The following PAX7 variants were observed in gnomAD, a reference collection of about 807,000 sequenced individuals.
The protein encoded by PAX7 is paired box 7.
In PAX7, 18 loss-of-function variants were observed where a neutral mutation model predicts 50.7. The ratio of observed to expected loss-of-function variants is 0.36; its 90% CI spans 0.25 to 0.53. The LOEUF (loss-of-function observed/expected upper bound fraction) is 0.53. PAX7 is among the 20% of genes least tolerant of loss of function. The pLI, the probability that PAX7 is intolerant of heterozygous loss-of-function variation, is 0.93. For synonymous variants in PAX7, 310 were observed against 290.4 expected, an observed-to-expected ratio of 1.07 and a Z score of -0.69; for missense variants, 644 against 702.9, an observed-to-expected ratio of 0.92 and a Z score of 0.95.
intron 4 of PAX7, among the ~76,000 whole-genome samples, chr1:18,677,358 G>A (rs1411069715): frequency 6.6e-6 from 1 of 152,144 alleles, no homozygotes; most frequent in Admixed American, 6.5e-5. Flanking sequence ...AGCACTCCAG[G>A]ACCGGCGCAC....
intron 7 of PAX7, among the ~76,000 whole-genome samples, chr1:18,731,499 A>C (rs992163392): frequency 6.6e-6 from 1 of 152,074 alleles, no homozygotes; most frequent in African/African-American, 2.4e-5. Context: ...CAATTTCCCC[A>C]TCTGCATAAT....
chr1:18,714,129 C>T (rs185030622), intron 7 of PAX7, among the ~76,000 whole-genome samples: 2 of 152,168 alleles, frequency 1.3e-5, no homozygotes, highest in African/African-American at 4.8e-5. Context: ...ATTGCTTGGA[C>T]CCCGGAGGCG....
chr1:18,720,031 G>A (rs1236595081), intron 7 of PAX7, among the ~76,000 whole-genome samples: 1 of 152,162 alleles, frequency 6.6e-6, no homozygotes. Flanking sequence ...GCACAATGTT[G>A]GAACCAAAAC....
rs2088045146 is a variant in PAX7 at position 18,631,510 on chromosome 1, A to G, written c.-94A>G. The G allele has an allele frequency of 9.6e-7, 1 of 1,042,312 alleles. No individual in the cohort carries two copies. The highest frequency in any genetic ancestry group is 2.0e-4 in the Middle Eastern group (1 of 4,910). The allele number at this position is 1,042,312 out of a possible 1,614,324, so 64.6% of individuals were successfully genotyped here. The stretch of plus-strand genomic sequence containing the variant: ...GAAGAGGTTAAAAAAAAGAAGACGA[A>G]GAAGACGGAAAGAAAGAGATCGCAG... On this transcript the variant is annotated 5_prime_UTR_variant, in exon 1 of 9. Coordinates refer to ENST00000420770, the MANE Select transcript of PAX7 (RefSeq NM_001135254.2).
rs80094639 is a variant in PAX7 at position 18,723,759 on chromosome 1, A to G, written c.1156-11873A>G. Among the ~76,000 whole-genome samples, 406 of 152,254 alleles carry G rather than the reference A, an allele frequency of 2.7e-3. 1 individual carries two copies. Among genetic ancestry groups the G allele is most frequent in the East Asian group, 0.018 (95 of 5,184 alleles). ...TTTCTTTTTCCCTTCCATTTTTAAT[A>G]TGCATAGCCAGGATCTTGAGGTCCT... is the stretch of plus-strand genomic sequence containing the variant. On this transcript the variant is annotated intron_variant, in intron 7 of 8. Coordinates refer to ENST00000420770, the MANE Select transcript of PAX7 (RefSeq NM_001135254.2).
chr1:18,662,190 G>A (rs1411139589), intron 4 of PAX7, among the ~76,000 whole-genome samples: 1 of 152,126 alleles, frequency 6.6e-6, no homozygotes, highest in Non-Finnish European at 1.5e-5. Context: ...AGGGAGCTTT[G>A]GTTTCCCAAA....
At chr1:18,652,256 C>T (rs375745942) in intron 4 of PAX7, among the ~76,000 whole-genome samples, 2 of 152,114 alleles carry the variant, frequency 1.3e-5, no homozygotes, top group South Asian at 2.1e-4. Flanking sequence ...CCCCGCCCCC[C>T]CATTGCCCCA....
intron 7 of PAX7, among the ~76,000 whole-genome samples, chr1:18,729,363 G>A (rs549957898): frequency 6.6e-6 from 1 of 152,208 alleles, no homozygotes; most frequent in Admixed American, 6.5e-5. Flanking sequence ...TAATCCCTGG[G>A]GTGCCAAGTC....
At chr1:18,741,109 G>A (rs1168765616) in intron 8 of PAX7, among the ~76,000 whole-genome samples, 1 of 152,200 alleles carries the variant, frequency 6.6e-6, no homozygotes, top group African/African-American at 2.4e-5. Flanking sequence ...ACAATGTATT[G>A]TATATTTCAA....
chr1:18,722,221 C>G (rs561330373), intron 7 of PAX7, among the ~76,000 whole-genome samples: 7 of 152,158 alleles, frequency 4.6e-5, no homozygotes, highest in African/African-American at 1.7e-4. Flanking sequence ...GTAATCAGAG[C>G]GGGGGGCCCA....
At chr1:18,704,822 C>A (rs1048930007) in intron 7 of PAX7, among the ~76,000 whole-genome samples, 3 of 152,132 alleles carry the variant, frequency 2.0e-5, no homozygotes, top group African/African-American at 7.2e-5. Flanking sequence ...TGCCTTTCAG[C>A]TGCATCGTTT....
chr1:18,740,198 G>A (rs912513421), intron 8 of PAX7, among the ~76,000 whole-genome samples: 1 of 152,194 alleles, frequency 6.6e-6, no homozygotes, highest in African/African-American at 2.4e-5. Flanking sequence ...TGCCCTCGCC[G>A]GCCCCTCGGC....
intron 5 of PAX7, among the ~76,000 whole-genome samples, chr1:18,698,249 T>C (rs1310192841): frequency 1.4e-5 from 2 of 147,756 alleles, no homozygotes; most frequent in Non-Finnish European, 3.0e-5. Context: ...AACACTCCCA[T>C]AAAGGGAAGG....
At chr1:18,661,165 C>A (rs1480403434) in intron 4 of PAX7, among the ~76,000 whole-genome samples, 1 of 152,154 alleles carries the variant, frequency 6.6e-6, no homozygotes, top group East Asian at 1.9e-4. Context: ...CAACGTGGGT[C>A]CATCCCTGCC....
chr1:18,653,886 T>C (rs1350251729), intron 4 of PAX7, among the ~76,000 whole-genome samples: 2 of 152,088 alleles, frequency 1.3e-5, no homozygotes, highest in Non-Finnish European at 2.9e-5. Flanking sequence ...GCAAAAGGTC[T>C]AAACGCCAGC....
intron 4 of PAX7, among the ~76,000 whole-genome samples, chr1:18,655,552 A>G (rs1570129296): frequency 2.0e-5 from 3 of 152,258 alleles, no homozygotes; most frequent in East Asian, 3.9e-4. Flanking sequence ...CCTCGCTCCC[A>G]TTGAGGGGAG....
chr1:18,664,345 G>T (rs953212545), intron 4 of PAX7, among the ~76,000 whole-genome samples: 1 of 152,192 alleles, frequency 6.6e-6, no homozygotes, highest in African/African-American at 2.4e-5. Context: ...GGCCACATCT[G>T]AGTTTTTCCT....
At chr1:18,682,973 C>A (rs2088920738) in intron 4 of PAX7, among the ~76,000 whole-genome samples, 1 of 152,162 alleles carries the variant, frequency 6.6e-6, no homozygotes, top group South Asian at 2.1e-4. Flanking sequence ...GGGCAGGGCA[C>A]CTGGCTGGGG....
chr1:18,715,028 G>A (rs989173924), intron 7 of PAX7, among the ~76,000 whole-genome samples: 11 of 152,236 alleles, frequency 7.2e-5, no homozygotes, highest in African/African-American at 2.4e-4. Flanking sequence ...CGCTGGGATG[G>A]TTGGGCAATC....
Sources: gnomAD v4.1 joint callset for allele counts (sites outside exome capture counted in the v4.1 genomes callset) on GRCh38, gnomAD v4.1.1 for gene constraint, MANE v1.5 for transcripts, NCBI Gene and HGNC (gene_info 2026-07-23, HGNC 2026-07-21) for gene names.